Variants in GAS6 observed in about 807,000 individuals in gnomAD.
GAS6 encodes the protein growth arrest specific 6, also known as growth arrest-specific protein 6.
A neutral mutation model predicts 75.8 loss-of-function variants in GAS6; 41 were observed. The ratio of observed to expected loss-of-function variants is 0.54; its 90% CI spans 0.42 to 0.70. The LOEUF (loss-of-function observed/expected upper bound fraction) is 0.70, where lower values mean the gene tolerates loss of function less well. Among genes scored for constraint, GAS6 ranks in the 30% least tolerant of loss-of-function variants. The pLI is 0.00. For missense variants in GAS6, 854 were observed against 940.2 expected, an observed-to-expected ratio of 0.91 and a Z score of 1.20; for synonymous variants, 432 against 412.6, an observed-to-expected ratio of 1.05 and a Z score of -0.57.
Position 113,864,027 on chromosome 13 carries a change from A to T in GAS6, c.-107T>A. On this transcript the variant is annotated 5_prime_UTR_variant, in exon 1 of 15. An upstream start codon of the reference 5' UTR is lost. Coordinates refer to ENST00000327773, the MANE Select transcript of GAS6 (RefSeq NM_000820.4). ...CCGTCCTGGCGGCCCTGAAGGTCACATCGCGGCGGCGGCGGCGGCGGCGGC... is the reference window on the plus strand; with the variant it reads ...CCGTCCTGGCGGCCCTGAAGGTCACTTCGCGGCGGCGGCGGCGGCGGCGGC... The T allele has an allele frequency of 1.0e-6, 1 of 1,003,184 alleles. No individual in the cohort carries two copies. Among genetic ancestry groups the T allele is most frequent in the East Asian group, 1.0e-4 (1 of 9,970 alleles). The allele number at this position is 1,003,184 out of a possible 1,614,324, so 62.1% of individuals were successfully genotyped here.
intron 8 of GAS6, chr13:113,833,587 T>A: frequency 2.0e-6 from 2 of 1,020,538 alleles, no homozygotes; most frequent in South Asian, 3.4e-5. Flanking sequence ...CAGGTCAGTG[T>A]GACAGGTCGG....
intron 3 of GAS6, chr13:113,847,127 G>A: frequency 2.8e-6 from 1 of 359,390 alleles, no homozygotes; most frequent in Non-Finnish European, 5.6e-6. Flanking sequence ...ACGGTGCGGG[G>A]CCTCTCGACC....
chr13:113,825,516 G>A (rs1433176803), intron 12 of GAS6, among the ~76,000 whole-genome samples: 1 of 152,186 alleles, frequency 6.6e-6, no homozygotes, highest in East Asian at 1.9e-4. Flanking sequence ...GAAATGCATG[G>A]AGCTGTAACT....
At chr13:113,823,641 C>T (rs2051491406) in intron 12 of GAS6, 91 bp from the exon 13 acceptor site, 2 of 1,300,304 alleles carry the variant, frequency 1.5e-6, no homozygotes, top group African/African-American at 1.5e-5. Flanking sequence ...GCAGTCCCAG[C>T]CGGGGTGGGA....
At chr13:113,835,817 G>A in intron 6 of GAS6, 182 bp from the exon 7 acceptor site, 1 of 1,416,178 alleles carries the variant, frequency 7.1e-7, no homozygotes, top group Non-Finnish European at 9.2e-7. Flanking sequence ...CCGGGGTGTT[G>A]GTGCACGCTT....
intron 13 of GAS6, chr13:113,822,580 C>G (rs2051475596): frequency 5.4e-6 from 1 of 185,518 alleles, no homozygotes; most frequent in African/African-American, 2.3e-5. Context: ...GGTGGGCACT[C>G]ACGCTGGCAC....
intron 8 of GAS6, chr13:113,833,659 G>C: frequency 1.0e-6 from 1 of 1,004,004 alleles, no homozygotes; most frequent in Non-Finnish European, 1.2e-6. Flanking sequence ...GCACCAGTGT[G>C]ACAGGTCGGT....
intron 8 of GAS6, among the ~76,000 whole-genome samples, chr13:113,834,118 G>A (rs1486382534): frequency 1.4e-5 from 2 of 147,446 alleles, no homozygotes; most frequent in East Asian, 2.3e-4. Flanking sequence ...GATAGGCCCC[G>A]GTGTGACAGG....
In GAS6 at chr13:113,848,165, G is replaced by A. The variant is rs559112794; in HGVS notation, c.256-115C>T. 17 of 1,108,242 alleles carry A rather than the reference G, an allele frequency of 1.5e-5. No individual in the cohort carries two copies. The highest frequency in any genetic ancestry group is 4.8e-5 in the African/African-American group (3 of 62,964). 68.7% of individuals were successfully genotyped at this position (1,108,242 alleles called of 1,614,324 possible). A position where few individuals can be genotyped will look rare whatever the true frequency, so the allele number is the denominator to read the frequency against. ...CTGCTCTCGGGGCAGCCAGAGGGCC[G>A]CCCCACCCGGGGAACTGAGGGGAAG... is the stretch of plus-strand genomic sequence containing the variant. On this transcript the variant is annotated intron_variant, in intron 2 of 14. Coordinates refer to ENST00000327773, the MANE Select transcript of GAS6 (RefSeq NM_000820.4). The surrounding 1 kb of genome is among the most constrained non-coding windows in gnomAD (Gnocchi z 4.8).
At chr13:113,851,747 C>T (rs1180322381) in intron 2 of GAS6, among the ~76,000 whole-genome samples, 3 of 152,238 alleles carry the variant, frequency 2.0e-5, no homozygotes, top group Non-Finnish European at 4.4e-5. Context: ...ACTGAATGCT[C>T]AGTTTCACTT....
chr13:113,851,977 C>A (rs896406122), intron 2 of GAS6, among the ~76,000 whole-genome samples: 1 of 152,190 alleles, frequency 6.6e-6, no homozygotes, highest in Non-Finnish European at 1.5e-5. Flanking sequence ...TTAGGTCTCT[C>A]GGAGGTTTGT....
chr13:113,843,128 GC>G, intron 4 of GAS6: 1 of 327,958 alleles, frequency 3.0e-6, no homozygotes, highest in Non-Finnish European at 5.5e-6. Flanking sequence ...AGAAACCTCT[GC>G]AGGCCCCCGA....
intron 6 of GAS6, among the ~76,000 whole-genome samples, chr13:113,836,942 GA>G (rs2051723748): frequency 6.7e-6 from 1 of 150,372 alleles, no homozygotes; most frequent in African/African-American, 2.5e-5. Flanking sequence ...TGGGGAGGAG[GA>G]GGAGAGGACG....
intron 14 of GAS6, chr13:113,821,251 G>A (rs980470804): frequency 7.6e-5 from 44 of 580,854 alleles, no homozygotes; most frequent in Middle Eastern, 4.5e-4. Flanking sequence ...TTCCCCGCTG[G>A]GAGCACAGAC....
intron 13 of GAS6, 101 bp downstream of exon 13, chr13:113,823,274 G>A (rs1267425645): frequency 2.3e-6 from 3 of 1,300,902 alleles, no homozygotes; most frequent in Non-Finnish European, 3.1e-6. Context: ...GGGGGTCCCT[G>A]GGGATCCCAC....
chr13:113,835,958 G>A (rs1465177218), intron 6 of GAS6: 1 of 1,116,942 alleles, frequency 9.0e-7, no homozygotes, highest in Non-Finnish European at 1.1e-6. Context: ...GGTGCTACAG[G>A]ACACGGGGCC....
chr13:113,838,860 C>G (rs546505399), intron 5 of GAS6, among the ~76,000 whole-genome samples: 3 of 152,040 alleles, frequency 2.0e-5, no homozygotes, highest in African/African-American at 7.2e-5. Context: ...AGAGAGAGAT[C>G]CTAGAGGTGC....
At chr13:113,843,239 G>A (rs2051805038) in intron 4 of GAS6, 1 of 186,732 alleles carries the variant, frequency 5.4e-6, no homozygotes, top group Admixed American at 6.2e-5. Flanking sequence ...GGCCTGGCTG[G>A]TCATGCCCTG....
intron 3 of GAS6, 33 bp from the exon 4 acceptor site, chr13:113,846,622 C>G (rs750017558): frequency 6.3e-7 from 1 of 1,577,332 alleles, no homozygotes; most frequent in Non-Finnish European, 8.7e-7. Flanking sequence ...TGTCAGTCAT[C>G]CTTACAAGAC....
Sources: gnomAD v4.1 joint callset for allele counts (sites outside exome capture counted in the v4.1 genomes callset) on GRCh38, gnomAD v4.1.1 for gene constraint, Gnocchi (gnomAD v3.1) non-coding constraint, MANE v1.5 for transcripts, NCBI Gene and HGNC (gene_info 2026-07-23, HGNC 2026-07-21) for gene names.